Variants in TTC3 observed in about 807,000 individuals in gnomAD.
The protein encoded by TTC3 is E3 ubiquitin-protein ligase TTC3.
TTC3 carries 180 observed loss-of-function variants against 249.6 expected under a neutral mutation model. The ratio of observed to expected loss-of-function variants is 0.72; its 90% confidence interval spans 0.64 to 0.82. TTC3 has a LOEUF of 0.82. Ranked by LOEUF, TTC3 falls within the 40% of genes least tolerant of loss-of-function variation. The probability of loss-of-function intolerance (pLI) is 0.00; values close to 1 mark genes in which losing one functional copy is unlikely to be tolerated. For synonymous variants in TTC3, 717 were observed against 805.0 expected (o/e 0.89, Z 1.85); for missense variants, 2,061 against 2,398.4 (o/e 0.86, Z 2.94).
chr21:37,181,420 A>T (rs969290604), intron 35 of TTC3, among the ~76,000 whole-genome samples: 1 of 152,260 alleles, frequency 6.6e-6, no homozygotes, highest in African/African-American at 2.4e-5. Flanking sequence ...AGCAAGGCAT[A>T]CAAATTCACA....
rs780057076 is a variant in TTC3 at position 37,197,602 on chromosome 21, G to A, written c.5612G>A (p.Arg1871Gln). Residue 1871 changes from arginine (R) to glutamine (Q), a missense_variant, in exon 43 of 46, where the codon CGA becomes CAA. By Grantham distance (43) the Arg-to-Gln change is conservative (BLOSUM62 1). Coordinates refer to ENST00000355666, the Ensembl canonical transcript of TTC3. ...CTTGCTGGTTTTATTAAAAAAGTGC[G>A]AAGCAAAAACAAGAACTCACTCTCA... The A allele has an allele frequency of 2.0e-5, 33 of 1,611,668 alleles. No homozygotes were observed. The East Asian group carries it at 2.2e-4, about 11-fold the overall frequency.
At chr21:37,125,223 C>A (rs2076957750) in intron 14 of TTC3, among the ~76,000 whole-genome samples, 1 of 152,228 alleles carries the variant, frequency 6.6e-6, no homozygotes, top group South Asian at 2.1e-4. Context: ...GCCTTCCACC[C>A]TTTTTGAGGT....
intron 13 of TTC3, among the ~76,000 whole-genome samples, chr21:37,123,715 A>T (rs917516156): frequency 1.3e-5 from 2 of 151,996 alleles, no homozygotes; most frequent in African/African-American, 4.8e-5. Context: ...TTAACTTAGG[A>T]TATTTAAATT....
At chr21:37,073,555 G>T (rs867059377) in intron 1 of TTC3, 82 bp downstream of exon 1, 8 of 957,750 alleles carry the variant, frequency 8.4e-6, no homozygotes, top group Non-Finnish European at 9.9e-6. Flanking sequence ...CCCGCGCGAT[G>T]AGGGGGTGTG....
intron 22 of TTC3, 49 bp downstream of exon 22, chr21:37,147,652 A>C: frequency 1.3e-6 from 2 of 1,562,796 alleles, no homozygotes; most frequent in South Asian, 2.4e-5. Context: ...ATCATTTCTT[A>C]AAATGGGCTC....
chr21:37,095,221 C>G, intron 8 of TTC3, 129 bp from the exon 9 acceptor site: 1 of 587,098 alleles, frequency 1.7e-6, no homozygotes, highest in Non-Finnish European at 3.1e-6. Flanking sequence ...ATCTCATTTT[C>G]TACATAAATA....
At chr21:37,098,919 GA>G (rs1568908052) in intron 10 of TTC3, 1 of 152,220 alleles carries the variant, frequency 6.6e-6, no homozygotes, top group East Asian at 1.9e-4. Context: ...ATCTGCTGTG[GA>G]AATCTGGCTG....
chr21:37,115,226 A>T (rs911003798), intron 11 of TTC3, among the ~76,000 whole-genome samples: 10 of 149,174 alleles, frequency 6.7e-5, no homozygotes, highest in African/African-American at 2.3e-4. Flanking sequence ...ATTTCCTAGT[A>T]ATTAAAATTG....
At chr21:37,107,076 GTT>G (rs71198849) in intron 10 of TTC3, among the ~76,000 whole-genome samples, 98 of 135,410 alleles carry the variant, frequency 7.2e-4, no homozygotes, top group Non-Finnish European at 9.9e-4. Flanking sequence ...TATCTAGTTG[GTT>G]TTTTTTTTTT....
At chr21:37,198,090 A>G in intron 44 of TTC3, 65 bp downstream of exon 44, 1 of 1,507,674 alleles carries the variant, frequency 6.6e-7, no homozygotes, top group Non-Finnish European at 8.9e-7. Context: ...TTTTTAATCC[A>G]TGATTTAGCC....
chr21:37,163,614 T>C (rs2080978548), intron 31 of TTC3, among the ~76,000 whole-genome samples: 1 of 152,200 alleles, frequency 6.6e-6, no homozygotes, highest in Non-Finnish European at 1.5e-5. Context: ...CCTCCCAAAG[T>C]GCTGGGATTA....
chr21:37,084,080 G>C (rs904256711), intron 1 of TTC3: 1 of 152,144 alleles, frequency 6.6e-6, no homozygotes, highest in Non-Finnish European at 1.5e-5. Flanking sequence ...CAAAAATCAC[G>C]GTGAAGCTAT....
At chr21:37,200,858 TG>T (rs2085422253) in intron 45 of TTC3, among the ~76,000 whole-genome samples, 1 of 152,198 alleles carries the variant, frequency 6.6e-6, no homozygotes, top group Non-Finnish European at 1.5e-5. Flanking sequence ...GTCTCTGCCA[TG>T]GGGATTTGCT....
chr21:37,186,912 T>G, intron 37 of TTC3, 137 bp from the exon 38 acceptor site: 1 of 559,466 alleles, frequency 1.8e-6, no homozygotes, highest in Non-Finnish European at 3.2e-6. Flanking sequence ...TAGTAAAATA[T>G]GAGATGAGAA....
Position 37,090,807 on chromosome 21 carries a change from C to T in TTC3, c.481-486C>T, listed in dbSNP as rs566487219. ...CTGCACTGAGTGCCCATTTGCCCAG[C>T]CACATCTTCCTCTTGTTCTTTATCT... On this transcript the variant is annotated intron_variant, in intron 6 of 45. Transcript: ENST00000355666. Among the ~76,000 whole-genome samples the T allele has an allele frequency of 3.9e-5, 6 of 152,286 alleles. No homozygotes were observed. In the South Asian group the frequency reaches 1.2e-3, roughly 32 times the overall value.
Position 37,150,671 on chromosome 21 carries a change from T to C in TTC3, c.2212-149T>C, listed in dbSNP as rs552197498. Reference sequence around the variant, plus strand: ...TCAGTAAATTATTTTGCTAAAGCTTTCTGGGCTTTTGTCTGGGTCAGAACA... The same window carrying C: ...TCAGTAAATTATTTTGCTAAAGCTTCCTGGGCTTTTGTCTGGGTCAGAACA... On this transcript the variant is annotated intron_variant, in intron 24 of 45. Transcript: ENST00000355666. The C allele has an allele frequency of 8.1e-4, 517 of 638,246 alleles. 3 individuals are homozygous for C. Among genetic ancestry groups the C allele is most frequent in the Admixed American group, 1.6e-3 (49 of 29,992 alleles). The allele number at this position is 638,246 out of a possible 1,614,324, so 39.5% of individuals were successfully genotyped here.
chr21:37,170,310 G>A (rs922134162), intron 34 of TTC3, among the ~76,000 whole-genome samples: 8 of 152,212 alleles, frequency 5.3e-5, no homozygotes, highest in African/African-American at 1.9e-4. Flanking sequence ...TCACAAAGAT[G>A]AGAATGGATG....
chr21:37,081,578 C>T (rs1475426553), intron 1 of TTC3: 1 of 152,144 alleles, frequency 6.6e-6, no homozygotes, highest in African/African-American at 2.4e-5. Flanking sequence ...TTCATGAGAT[C>T]TAGAAGTTTC....
Position 37,160,868 on chromosome 21 carries a change from A to T in TTC3, c.3096+10A>T. The stretch of plus-strand genomic sequence containing the variant: ...GCCAAAGGATTCAAAGGTATGGAGT[A>T]TTTTCTGTATTAATTCTTGTCTAAA... On this transcript the variant is annotated intron_variant, in intron 30 of 45. Transcript: ENST00000355666. 1 of 1,611,440 alleles carries T rather than the reference A, an allele frequency of 6.2e-7. No individual in the cohort carries two copies. The highest frequency in any genetic ancestry group is 8.5e-7 in the Non-Finnish European group (1 of 1,178,812).
Sources: allele counts gnomAD v4.1 joint callset (sites outside exome capture counted in the v4.1 genomes callset), GRCh38; gene constraint gnomAD v4.1.1; transcripts MANE v1.5; gene names NCBI Gene and HGNC (gene_info 2026-07-23, HGNC 2026-07-21).